Variants in USP35 observed in about 807,000 individuals in gnomAD.
USP35 encodes the protein ubiquitin specific peptidase 35, also known as ubiquitin carboxyl-terminal hydrolase 35.
A neutral mutation model predicts 83.8 loss-of-function variants in USP35; 69 were observed. The observed-to-expected ratio is 0.82, with a 90% confidence interval of 0.68 to 1.01. The LOEUF (loss-of-function observed/expected upper bound fraction) is 1.01. Among genes scored for constraint, USP35 ranks in the 50% least tolerant of loss-of-function variants. The probability of loss-of-function intolerance (pLI) is 0.00; values close to 1 mark genes in which losing one functional copy is unlikely to be tolerated. For synonymous variants in USP35, 714 were observed against 589.5 expected (o/e 1.21, Z -3.06); for missense variants, 1,503 against 1,362.5 (o/e 1.10, Z -1.62).
rs142777582 is a variant in USP35, at chr11:78,190,416, G to A, written c.-11+1259G>A. ...CAAGACCAGGCCTGGGCAAAGGAGG[G>A]GGTGGTGACTGGACCAAAGGTTAGG... On this transcript the variant is annotated intron_variant, in intron 1 of 10. Transcript: ENST00000529308. Among the ~76,000 whole-genome samples the A allele has an allele frequency of 2.2e-3, 338 of 152,310 alleles. 1 individual carries two copies. The highest frequency in any genetic ancestry group is 7.8e-3 in the African/African-American group (326 of 41,558).
At chr11:78,201,837 G>GC (rs11387878) in intron 6 of USP35, among the ~76,000 whole-genome samples, 38,368 of 151,984 alleles carry the variant, frequency 0.25, 5,450 homozygotes, top group East Asian at 0.42. Flanking sequence ...GGATGGCAGA[G>GC]CCTTCCCCAT....
intron 1 of USP35, among the ~76,000 whole-genome samples, chr11:78,191,936 T>C (rs1038438320): frequency 2.0e-5 from 3 of 150,726 alleles, no homozygotes; most frequent in East Asian, 2.0e-4. Flanking sequence ...CTCCGCCTCC[T>C]GGGTTCACGC....
chr11:78,222,894 A>G, the USP35 span, among the ~76,000 whole-genome samples: 2 of 152,224 alleles, frequency 1.3e-5, no homozygotes, highest in Non-Finnish European at 2.9e-5. Flanking sequence ...CCCAGCCAAG[A>G]GACCATATTT....
the USP35 span, chr11:78,220,341 C>G: frequency 2.5e-6 from 4 of 1,612,676 alleles, no homozygotes; most frequent in Non-Finnish European, 3.4e-6. Flanking sequence ...GCTTGGGGAG[C>G]TCGGCTGGAA....
At chr11:78,217,142 C>G (rs549340276), downstream of USP35, 2 of 145,824 alleles carry the variant, frequency 1.4e-5, no homozygotes, top group East Asian at 4.1e-4. Context: ...CCCTGATCCC[C>G]CACTCCTGCC....
At chr11:78,231,329 C>G in the USP35 span, among the ~76,000 whole-genome samples, 3 of 115,668 alleles carry the variant, frequency 2.6e-5, no homozygotes, top group Non-Finnish European at 3.9e-5. Flanking sequence ...CGCGCGCGCG[C>G]GTGTGTGGTG....
Position 78,189,079 on chromosome 11 carries a change from C to A in USP35, c.-89C>A. 1 of 559,188 alleles carries A rather than the reference C, an allele frequency of 1.8e-6. No homozygotes were observed. Among genetic ancestry groups the A allele is most frequent in the South Asian group, 7.6e-5 (1 of 13,096 alleles). 34.6% of individuals were successfully genotyped at this position (559,188 alleles called of 1,614,324 possible). A position where few individuals can be genotyped will look rare whatever the true frequency, so the allele number is the denominator to read the frequency against. The stretch of plus-strand genomic sequence containing the variant: ...GGGGGGAGCAGAGGACCAGCCCTGA[C>A]CTAGCCGGGCCCAGCCTCGTCCTGC... On this transcript the variant is annotated 5_prime_UTR_variant, in exon 1 of 11. Coordinates refer to ENST00000529308, the MANE Select transcript of USP35 (RefSeq NM_020798.4).
chr11:78,235,418 C>T, the USP35 span, among the ~76,000 whole-genome samples: 1 of 152,140 alleles, frequency 6.6e-6, no homozygotes, highest in Non-Finnish European at 1.5e-5. Flanking sequence ...TCCCAAAGTG[C>T]TTGGATTACA....
chr11:78,223,639 T>A, the USP35 span: 1 of 1,611,958 alleles, frequency 6.2e-7, no homozygotes, highest in Non-Finnish European at 8.5e-7. Flanking sequence ...GTCTTCAGAA[T>A]TGGTGCTGTC....
chr11:78,230,265 C>T, the USP35 span, among the ~76,000 whole-genome samples: 2 of 152,248 alleles, frequency 1.3e-5, no homozygotes, highest in Admixed American at 6.5e-5. Flanking sequence ...TACGTTCCAA[C>T]TTCCCTCTAC....
downstream of USP35, chr11:78,219,358 C>A (rs767246566): frequency 6.2e-7 from 1 of 1,613,914 alleles, no homozygotes; most frequent in Non-Finnish European, 8.5e-7. Flanking sequence ...TGGGTCTTCT[C>A]CTTGTCCACC....
At chr11:78,202,389 G>C (rs983273001) in intron 6 of USP35, among the ~76,000 whole-genome samples, 4 of 152,214 alleles carry the variant, frequency 2.6e-5, no homozygotes, top group African/African-American at 9.6e-5. Flanking sequence ...AATGTAATCA[G>C]TGGCCTGCTC....
rs1864038741 is a variant in USP35 at position 78,214,885 on chromosome 11, CTT to C, written c.*1073_*1074del. ...GTAAGTAAACGTGTGGACTGACTGA[CTT>C]ACTTACCTTACTGAGGGCTGGGTGA... On this transcript the variant is annotated 3_prime_UTR_variant, in exon 11 of 11. Transcript: ENST00000529308. 2.4e-5 allele frequency among the ~76,000 whole-genome samples: 2 copies of C among 82,686 alleles called. No individual in the cohort carries two copies. Among genetic ancestry groups the C allele is most frequent in the African/African-American group, 1.5e-4 (2 of 13,528 alleles). The allele number at this position is 82,686 out of a possible 152,430, so 54.2% of individuals were successfully genotyped here. A position where few individuals can be genotyped will look rare whatever the true frequency, so the allele number is the denominator to read the frequency against.
chr11:78,208,343 T>C (rs1325173194), intron 8 of USP35, among the ~76,000 whole-genome samples: 2 of 152,194 alleles, frequency 1.3e-5, no homozygotes, highest in African/African-American at 2.4e-5. Context: ...CCAGGCAGCC[T>C]GAGAGCTGTT....
chr11:78,193,401 TG>T (rs1324328227), intron 1 of USP35, among the ~76,000 whole-genome samples: 3 of 151,270 alleles, frequency 2.0e-5, no homozygotes, highest in Non-Finnish European at 4.4e-5. Flanking sequence ...GATGGGGTTT[TG>T]CCATGTTGCC....
chr11:78,192,252 G>A (rs1023062602), intron 1 of USP35, among the ~76,000 whole-genome samples: 2 of 152,176 alleles, frequency 1.3e-5, no homozygotes, highest in Non-Finnish European at 2.9e-5. Flanking sequence ...TTGCTGCTGC[G>A]GTTGGTGCGG....
chr11:78,212,535 T>C (rs1237669278), intron 10 of USP35, among the ~76,000 whole-genome samples: 8 of 150,406 alleles, frequency 5.3e-5, no homozygotes. Context: ...AGTATGGCCA[T>C]TTTCATGCTA....
chr11:78,204,517 C>A (rs767885164), intron 6 of USP35, among the ~76,000 whole-genome samples: 2 of 152,154 alleles, frequency 1.3e-5, no homozygotes, highest in African/African-American at 4.8e-5. Flanking sequence ...TTCCTGAGAA[C>A]AAAGTTACCT....
chr11:78,225,357 C>T, the USP35 span, among the ~76,000 whole-genome samples: 16 of 152,340 alleles, frequency 1.1e-4, no homozygotes, highest in Non-Finnish European at 1.6e-4. Context: ...ACACATCACT[C>T]CTCAGTTCAA....
Sources: allele counts gnomAD v4.1 joint callset (sites outside exome capture counted in the v4.1 genomes callset), GRCh38; gene constraint gnomAD v4.1.1; transcripts MANE v1.5; gene names NCBI Gene and HGNC (gene_info 2026-07-23, HGNC 2026-07-21).